ETV4: variants seen among roughly 807,000 people sequenced by gnomAD.
ETV4 encodes the protein ETS variant transcription factor 4.
Under a neutral mutation model 65.9 loss-of-function variants are expected in ETV4, and 42 were observed. The observed-to-expected ratio is 0.64, with a 90% confidence interval of 0.50 to 0.82. The LOEUF (loss-of-function observed/expected upper bound fraction) is 0.82. Ranked by LOEUF, ETV4 falls within the 40% of genes least tolerant of loss-of-function variation. The pLI is 0.00. For missense variants in ETV4, 583 were observed against 630.3 expected (o/e 0.92, Z 0.80); for synonymous variants, 238 against 260.0 (o/e 0.92, Z 0.81).
chr17:43,531,601 G>A (rs1970939679), intron 8 of ETV4, among the ~76,000 whole-genome samples: 1 of 152,178 alleles, frequency 6.6e-6, no homozygotes, highest in Admixed American at 6.5e-5. Flanking sequence ...CTATTCGGGA[G>A]GCTGAAGCAT....
At chr17:43,536,214 G>T in intron 5 of ETV4, 1 of 594,660 alleles carries the variant, frequency 1.7e-6, no homozygotes, top group Non-Finnish European at 3.0e-6. Flanking sequence ...AGAACCAGAG[G>T]GATAGTGTCT....
At chr17:43,534,733 A>C (rs1971143617) in intron 5 of ETV4, among the ~76,000 whole-genome samples, 1 of 152,146 alleles carries the variant, frequency 6.6e-6, no homozygotes, top group South Asian at 2.1e-4. Context: ...TGAAGTCAGA[A>C]GTTCAAGACC....
intron 4 of ETV4, among the ~76,000 whole-genome samples, chr17:43,541,351 G>A (rs187618720): frequency 1.5e-3 from 226 of 152,286 alleles, no homozygotes; most frequent in Non-Finnish European, 2.2e-3. Flanking sequence ...TTGTTAACTT[G>A]GCTGAGTCTT....
chr17:43,537,279 C>T (rs576193475), intron 4 of ETV4, among the ~76,000 whole-genome samples: 1 of 152,298 alleles, frequency 6.6e-6, no homozygotes, highest in African/African-American at 2.4e-5. Context: ...ACAGAAGAAT[C>T]GCTTGAACCT....
chr17:43,541,238 C>T (rs1214040522), intron 4 of ETV4, among the ~76,000 whole-genome samples: 6 of 152,216 alleles, frequency 3.9e-5, no homozygotes, highest in Non-Finnish European at 8.8e-5. Flanking sequence ...CAGAGACTGT[C>T]AACAGGATAG....
In ETV4 at chr17:43,529,943, T is replaced by C. The variant is rs1385256093; in HGVS notation, c.896A>G (p.Tyr299Cys). 9 of 1,614,044 alleles carry C rather than the reference T, an allele frequency of 5.6e-6. No individual in the cohort carries two copies. In the African/African-American group the frequency reaches 8.0e-5, roughly 14 times the overall value. The change falls in exon 10 of 13, where the codon TAT becomes TGT. Residue 299 changes from tyrosine (Y) to cysteine (C), a missense_variant. Coordinates refer to ENST00000319349, the MANE Select transcript of ETV4 (RefSeq NM_001079675.5). ...TGGGAATGGTCGCAGAGGTTTCTCA[T>C]AGCCATAGCCTTGTGGAGGAAATTG... ...SPGDGAMGYG[Y>C]EKPLRPFPDD...
intron 2 of ETV4, 25 bp from the exon 3 acceptor site, chr17:43,545,392 G>T (rs780406719): frequency 2.6e-6 from 4 of 1,549,880 alleles, no homozygotes; most frequent in Non-Finnish European, 3.5e-6. Context: ...GAGAATGCCC[G>T]CGAGTCACCC....
intron 4 of ETV4, among the ~76,000 whole-genome samples, chr17:43,542,990 G>A (rs1971598051): frequency 6.6e-6 from 1 of 152,142 alleles, no homozygotes; most frequent in Admixed American, 6.5e-5. Flanking sequence ...AGAGACAGGA[G>A]AGGAGGCTGG....
intron 8 of ETV4, among the ~76,000 whole-genome samples, chr17:43,531,582 T>C (rs189550853): frequency 6.6e-6 from 1 of 152,286 alleles, no homozygotes; most frequent in East Asian, 1.9e-4. Context: ...TGGGCACCTG[T>C]AACCCCAGCT....
chr17:43,538,682 C>G (rs1416362864), intron 4 of ETV4, among the ~76,000 whole-genome samples: 20 of 152,132 alleles, frequency 1.3e-4, no homozygotes, highest in Admixed American at 1.3e-3. Context: ...TTTTGCCCCT[C>G]TCTCAAAAAT....
In ETV4 at chr17:43,529,905, C is replaced by T. The variant is rs147888887; in HGVS notation, c.934G>A (p.Val312Ile). The change falls in exon 10 of 13, where the codon GTT (valine) becomes ATT (isoleucine). Residue 312 changes from valine (V) to isoleucine (I), a missense_variant. Val to Ile is a conservative substitution (Grantham distance 29, BLOSUM62 3). Transcript: ENST00000319349. Reference sequence around the variant, plus strand: ...TGACCTTCAAATTTCTCAGGGACAACGCAGACATCATCTGGGAATGGTCGC... The same window carrying T: ...TGACCTTCAAATTTCTCAGGGACAATGCAGACATCATCTGGGAATGGTCGC... ...PLRPFPDDVC[V>I]VPEKFEGDIK... The T allele has an allele frequency of 1.1e-4, 175 of 1,614,170 alleles. No individual in the cohort carries two copies. The highest frequency in any genetic ancestry group is 1.9e-4 in the African/African-American group (14 of 75,034).
chr17:43,528,906 T>G (rs1013655810), intron 12 of ETV4, among the ~76,000 whole-genome samples, 163 bp from the exon 13 acceptor site: 9 of 152,118 alleles, frequency 5.9e-5, no homozygotes, highest in Admixed American at 1.3e-4. Flanking sequence ...CCTTCACAGT[T>G]CTTACTCCTT....
intron 4 of ETV4, among the ~76,000 whole-genome samples, chr17:43,543,076 G>A (rs1245338234): frequency 1.3e-5 from 2 of 152,122 alleles, no homozygotes; most frequent in Non-Finnish European, 2.9e-5. Flanking sequence ...GAGAAGGAGC[G>A]ATCGGCCTCA....
rs1970804556 is a variant in ETV4 at position 43,529,884 on chromosome 17, CT to C, written c.954del (p.Gly319GlufsTer72). The C allele has an allele frequency of 6.2e-7, 1 of 1,614,062 alleles. No individual in the cohort carries two copies. Among genetic ancestry groups the C allele is most frequent in the Admixed American group, 1.7e-5 (1 of 60,012 alleles). On this transcript the variant is annotated frameshift_variant and splice_region_variant, in exon 10 of 13. Coordinates refer to ENST00000319349, the MANE Select transcript of ETV4 (RefSeq NM_001079675.5). LOFTEE classifies it high-confidence loss of function. The part of the protein sequence containing the change: ...DDVCVVPEKF[E>X]GDIKQEGVGA... Reference sequence around the variant, plus strand: ...TCCCATCAACAGTCACTTCTCTGACCTTCAAATTTCTCAGGGACAACGCAGA... The same window carrying C: ...TCCCATCAACAGTCACTTCTCTGACCTCAAATTTCTCAGGGACAACGCAGA...
chr17:43,528,498 A>AG lies in ETV4; in HGVS notation c.*20dup. On this transcript the variant is annotated 3_prime_UTR_variant, in exon 13 of 13. Transcript: ENST00000319349. ...ACACAGGGCAGCACCCACCTGCGGC[A>AG]GGGGGAACAGCCGCTGGGGGCTAGT... is the stretch of plus-strand genomic sequence containing the variant. 1 of 1,522,926 alleles carries AG rather than the reference A, an allele frequency of 6.6e-7. No homozygotes were observed. The highest frequency in any genetic ancestry group is 1.2e-5 in the South Asian group (1 of 86,140). The allele number at this position is 1,522,926 out of a possible 1,614,324, so 94.3% of individuals were successfully genotyped here.
At chr17:43,545,434 G>T in intron 2 of ETV4, 67 bp from the exon 3 acceptor site, 4 of 1,468,096 alleles carry the variant, frequency 2.7e-6, no homozygotes, top group Non-Finnish European at 3.7e-6. Flanking sequence ...CGAGGTTGGG[G>T]TCCTCGGGTG....
At chr17:43,543,985 C>G (rs1002561889) in intron 4 of ETV4, 13 of 151,908 alleles carry the variant, frequency 8.6e-5, no homozygotes, top group Non-Finnish European at 1.5e-4. Context: ...AATTAGATAC[C>G]CAGGGTGGAG....
At chr17:43,545,497 G>A in intron 2 of ETV4, 61 bp downstream of exon 2, 1 of 1,471,300 alleles carries the variant, frequency 6.8e-7, no homozygotes. Context: ...GAGGGGGGCT[G>A]TGGTGAGAGT....
At chr17:43,542,068 T>G (rs1331122451) in intron 4 of ETV4, among the ~76,000 whole-genome samples, 2 of 152,158 alleles carry the variant, frequency 1.3e-5, no homozygotes, top group Non-Finnish European at 2.9e-5. Context: ...GGGTCTTTTT[T>G]TGACCTACAA....
Sources: allele counts gnomAD v4.1 joint callset (sites outside exome capture counted in the v4.1 genomes callset), GRCh38; gene constraint gnomAD v4.1.1; transcripts MANE v1.5; gene names NCBI Gene and HGNC (gene_info 2026-07-23, HGNC 2026-07-21).